PLEKHA6: variants seen among roughly 807,000 people sequenced by gnomAD.
PLEKHA6 encodes pleckstrin homology domain-containing family A member 6.
A neutral mutation model predicts 116.7 loss-of-function variants in PLEKHA6; 60 were observed. That is an observed-to-expected ratio of 0.51 (90% CI 0.42 to 0.64). The LOEUF (loss-of-function observed/expected upper bound fraction) is 0.64, where lower values mean the gene tolerates loss of function less well. Among genes scored for constraint, PLEKHA6 ranks in the 30% least tolerant of loss-of-function variants. The probability of loss-of-function intolerance (pLI) is 0.00; values close to 1 mark genes in which losing one functional copy is unlikely to be tolerated. For synonymous variants in PLEKHA6, 489 were observed against 556.1 expected (o/e 0.88, Z 1.70); for missense variants, 1,338 against 1,422.7 (o/e 0.94, Z 0.96).
chr1:204,230,323 A>AC, intron 18 of PLEKHA6, 90 bp downstream of exon 18: 2 of 1,090,254 alleles, frequency 1.8e-6, no homozygotes, highest in Non-Finnish European at 2.5e-6. Context: ...TTCCTCTCAA[A>AC]CCCCCCAGGC....
intron 17 of PLEKHA6, among the ~76,000 whole-genome samples, chr1:204,233,623 T>C (rs1213835227): frequency 3.3e-5 from 5 of 152,066 alleles, no homozygotes; most frequent in Admixed American, 6.6e-5. Flanking sequence ...TAATTTTTAA[T>C]TTTTTTGTAG....
intron 1 of PLEKHA6, among the ~76,000 whole-genome samples, chr1:204,355,520 A>G (rs1572225881): frequency 6.6e-6 from 1 of 151,876 alleles, no homozygotes; most frequent in African/African-American, 2.4e-5. Context: ...GCTCACTGCA[A>G]CCTCCGCCTC....
At chr1:204,310,634 T>C (rs1572162106) in intron 1 of PLEKHA6, among the ~76,000 whole-genome samples, 2 of 152,342 alleles carry the variant, frequency 1.3e-5, no homozygotes, top group South Asian at 4.1e-4. Context: ...ATTGGACTAT[T>C]TATTGCAATT....
chr1:204,250,639 T>C, intron 9 of PLEKHA6, 25 bp from the exon 10 acceptor site: 5 of 1,560,120 alleles, frequency 3.2e-6, no homozygotes, highest in East Asian at 4.5e-5. Flanking sequence ...GGCCGGTTAC[T>C]GCAGCAGGGG....
At chr1:204,297,695 G>A (rs1670418705) in intron 1 of PLEKHA6, 1 of 157,814 alleles carries the variant, frequency 6.3e-6, no homozygotes, top group Admixed American at 6.5e-5. Flanking sequence ...TGCCTAAAAC[G>A]ATGCCTGTTA....
intron 12 of PLEKHA6, among the ~76,000 whole-genome samples, chr1:204,248,141 A>T (rs1297187423): frequency 6.9e-6 from 1 of 144,534 alleles, no homozygotes; most frequent in Non-Finnish European, 1.5e-5. Context: ...GGAAGTAGTG[A>T]CCAGGGCAGC....
intron 1 of PLEKHA6, among the ~76,000 whole-genome samples, chr1:204,377,238 G>A (rs1169193414): frequency 6.6e-6 from 1 of 152,172 alleles, no homozygotes; most frequent in East Asian, 1.9e-4. Context: ...CCTACCTCTG[G>A]CCCTTTCAGG....
chr1:204,331,177 G>T lies in PLEKHA6; in HGVS notation c.-95+28517C>A, dbSNP rs149115171. Among the ~76,000 whole-genome samples the T allele has an allele frequency of 6.3e-3, 916 of 144,514 alleles. 8 individuals carry two copies. The highest frequency in any genetic ancestry group is 0.022 in the African/African-American group (840 of 37,964). The allele number at this position is 144,514 out of a possible 152,430, so 94.8% of individuals were successfully genotyped here. A position where few individuals can be genotyped will look rare whatever the true frequency, so the allele number is the denominator to read the frequency against. ...ATCATGCCACTGCACTCCAGCCTGG[G>T]CATCAAAGTGAGACTCTGTCTCAAA... On this transcript the variant is annotated intron_variant, in intron 1 of 22. Transcript: ENST00000272203.
chr1:204,274,817 G>A lies in PLEKHA6; in HGVS notation c.-94-8C>T. 1.0e-6 allele frequency: 1 copy of A among 985,838 alleles called. No individual in the cohort carries two copies. The highest frequency in any genetic ancestry group is 1.2e-6 in the Non-Finnish European group (1 of 829,906). The allele number at this position is 985,838 out of a possible 1,614,324, so 61.1% of individuals were successfully genotyped here. Reference sequence around the variant, plus strand: ...TTCCGTCTTTCATTGTGGCTGTAGAGGGAAAAACAGAAGAGTTGTGGTAAA... The same window carrying A: ...TTCCGTCTTTCATTGTGGCTGTAGAAGGAAAAACAGAAGAGTTGTGGTAAA... On this transcript the variant is annotated splice_region_variant and splice_polypyrimidine_tract_variant and intron_variant, in intron 1 of 22. Coordinates refer to ENST00000272203, the MANE Select transcript of PLEKHA6 (RefSeq NM_014935.5).
In PLEKHA6 at chr1:204,348,085, C is replaced by G. The variant is rs188297502; in HGVS notation, c.-95+11609G>C. Among the ~76,000 whole-genome samples the G allele has an allele frequency of 7.2e-4, 109 of 152,262 alleles. 2 individuals carry two copies. In the Middle Eastern group the frequency reaches 0.027, roughly 38 times the overall value. On this transcript the variant is annotated intron_variant, in intron 1 of 22. Coordinates refer to ENST00000272203, the MANE Select transcript of PLEKHA6 (RefSeq NM_014935.5). ...CACCCACCACCCTGGCCTGTAACAC[C>G]ACATGTTACAGAGGCACCAAGAGCC...
intron 1 of PLEKHA6, among the ~76,000 whole-genome samples, chr1:204,319,275 A>G (rs771557661): frequency 2.0e-5 from 3 of 152,182 alleles, no homozygotes; most frequent in Non-Finnish European, 4.4e-5. Flanking sequence ...TGTCAGTCTT[A>G]TAGACTGTTT....
intron 12 of PLEKHA6, among the ~76,000 whole-genome samples, chr1:204,248,125 C>T (rs1664015194): frequency 6.7e-6 from 1 of 150,110 alleles, no homozygotes; most frequent in South Asian, 2.1e-4. Flanking sequence ...CTGCCCTTAC[C>T]TGCTGGGAAG....
At chr1:204,295,789 A>G (rs1335362173) in intron 1 of PLEKHA6, among the ~76,000 whole-genome samples, 4 of 152,154 alleles carry the variant, frequency 2.6e-5, no homozygotes, top group Non-Finnish European at 4.4e-5. Context: ...CCAACAGATT[A>G]TGCTTCTAGG....
chr1:204,248,074 G>A (rs1180549132), intron 12 of PLEKHA6, among the ~76,000 whole-genome samples: 1 of 151,238 alleles, frequency 6.6e-6, no homozygotes, highest in East Asian at 1.9e-4. Flanking sequence ...TTTTTCTGCT[G>A]CTTCTTGGAG....
chr1:204,244,198 C>A (rs1455513107), intron 15 of PLEKHA6, among the ~76,000 whole-genome samples: 3 of 151,862 alleles, frequency 2.0e-5, no homozygotes, highest in Non-Finnish European at 2.9e-5. Context: ...GTGGTGCGAT[C>A]TTGGTTCACT....
upstream of PLEKHA6, among the ~76,000 whole-genome samples, chr1:204,360,859 T>C (rs542941756): frequency 6.6e-6 from 1 of 152,342 alleles, no homozygotes; most frequent in Admixed American, 6.5e-5. Flanking sequence ...AATAGGGTCG[T>C]AGCTCTGTTT....
At chr1:204,267,889 C>A (rs748269772) in intron 4 of PLEKHA6, among the ~76,000 whole-genome samples, 1 of 152,116 alleles carries the variant, frequency 6.6e-6, no homozygotes, top group Admixed American at 6.5e-5. Flanking sequence ...GACACCCCTA[C>A]CCCCCACCAT....
intron 1 of PLEKHA6, among the ~76,000 whole-genome samples, chr1:204,282,241 G>A (rs968997436): frequency 4.6e-5 from 7 of 152,178 alleles, no homozygotes; most frequent in African/African-American, 1.2e-4. Context: ...GTGCACGCAC[G>A]TGTGTGTGCA....
intron 3 of PLEKHA6, among the ~76,000 whole-genome samples, chr1:204,269,284 C>T (rs1473098315): frequency 1.5e-5 from 2 of 131,896 alleles, no homozygotes; most frequent in African/African-American, 2.6e-5. Context: ...CGTTACTTCC[C>T]TACAAAGCCT....
Sources: allele counts gnomAD v4.1 joint callset (sites outside exome capture counted in the v4.1 genomes callset), GRCh38; gene constraint gnomAD v4.1.1; transcripts MANE v1.5; gene names NCBI Gene and HGNC (gene_info 2026-07-23, HGNC 2026-07-21).